Variants in SVIL observed in about 807,000 individuals in gnomAD.
The protein encoded by SVIL is archvillin.
In SVIL, 101 loss-of-function variants were observed where a neutral mutation model predicts 240.4. The ratio of observed to expected loss-of-function variants is 0.42; its 90% CI spans 0.36 to 0.50. SVIL has a LOEUF of 0.50. Ranked by LOEUF, SVIL falls within the 20% of genes least tolerant of loss-of-function variation. The pLI, the probability that SVIL is intolerant of heterozygous loss-of-function variation, is 0.01. For synonymous variants in SVIL, 999 were observed against 1,100.0 expected (o/e 0.91, Z 1.82); for missense variants, 2,512 against 2,818.7 (o/e 0.89, Z 2.46).
intron 36 of SVIL, 158 bp from the exon 37 acceptor site, chr10:29,458,747 A>T (rs1943865990): frequency 1.4e-6 from 1 of 705,700 alleles, no homozygotes; most frequent in Non-Finnish European, 2.2e-6. Context: ...AAGAAAAGGG[A>T]TCGCCCAAAG....
At chr10:29,527,133 A>C in intron 12 of SVIL, 77 bp from the exon 13 acceptor site, 2 of 1,306,616 alleles carry the variant, frequency 1.5e-6, no homozygotes, top group Non-Finnish European at 2.1e-6. Flanking sequence ...GCATAGTTTT[A>C]AATTCAGAAA....
chr10:29,718,423 A>G (rs1428642422), intron 1 of SVIL, among the ~76,000 whole-genome samples: 1 of 152,170 alleles, frequency 6.6e-6, no homozygotes, highest in Non-Finnish European at 1.5e-5. Flanking sequence ...ATATCTGTTG[A>G]ATATCTAGGG....
At chr10:29,488,564 G>C in intron 23 of SVIL, 37 bp downstream of exon 23, 1 of 1,520,990 alleles carries the variant, frequency 6.6e-7, no homozygotes, top group South Asian at 1.3e-5. Flanking sequence ...CAGAAACCAC[G>C]GGCCCTGAGT....
In SVIL at chr10:29,491,081, G is replaced by A. The variant is rs1343186124; in HGVS notation, c.4020-62C>T. On this transcript the variant is annotated intron_variant, in intron 21 of 37. Coordinates refer to ENST00000355867, the MANE Select transcript of SVIL (RefSeq NM_021738.3). ...ACACCACCACCCCTGGATGACCTGG[G>A]GGTCTTGGACTCCACAAAGTATTTC... is the stretch of plus-strand genomic sequence containing the variant. 4.6e-6 allele frequency: 7 copies of A among 1,536,274 alleles called. No individual in the cohort carries two copies. The East Asian group carries it at 1.6e-4, about 36-fold the overall frequency.
intron 3 of SVIL, among the ~76,000 whole-genome samples, chr10:29,640,146 C>T (rs1958437293): frequency 6.6e-6 from 1 of 152,260 alleles, no homozygotes; most frequent in South Asian, 2.1e-4. Flanking sequence ...ACTGTCTCCT[C>T]TCCCCCAGCC....
At position 29,513,366 on chromosome 10, in the gene SVIL, C is replaced by T. The variant is rs188215443; in HGVS notation, c.3390-505G>A. 3.5e-3 allele frequency among the ~76,000 whole-genome samples: 538 copies of T among 152,240 alleles called. 3 individuals carry two copies. Among genetic ancestry groups the T allele is most frequent in the African/African-American group, 0.012 (516 of 41,522 alleles). On this transcript the variant is annotated intron_variant, in intron 16 of 37. Coordinates refer to ENST00000355867, the MANE Select transcript of SVIL (RefSeq NM_021738.3). The stretch of plus-strand genomic sequence containing the variant: ...CAGGTGGATCACGAGGTCAGGAGTT[C>T]GAGACCAGCCTGGCCAATACGGTGA...
chr10:29,506,697 GC>G (rs1949335019), intron 17 of SVIL, among the ~76,000 whole-genome samples: 2 of 141,936 alleles, frequency 1.4e-5, no homozygotes, highest in African/African-American at 5.2e-5. Context: ...GGGGACAGAG[GC>G]CCTACGAGGG....
intron 1 of SVIL, among the ~76,000 whole-genome samples, chr10:29,728,003 T>C (rs552645366): frequency 1.3e-5 from 2 of 152,310 alleles, no homozygotes; most frequent in Admixed American, 1.3e-4. Flanking sequence ...CAAGTCAATC[T>C]GTCAAGGATT....
At chr10:29,458,718 G>T in intron 36 of SVIL, 129 bp from the exon 37 acceptor site, 1 of 969,334 alleles carries the variant, frequency 1.0e-6, no homozygotes, top group Non-Finnish European at 1.5e-6. Flanking sequence ...CCATATCACT[G>T]AGGAGGAAAT....
intron 5 of SVIL, among the ~76,000 whole-genome samples, chr10:29,553,379 G>A (rs1953565194): frequency 6.6e-6 from 1 of 152,082 alleles, no homozygotes; most frequent in Admixed American, 6.6e-5. Flanking sequence ...AGGAGTTCGA[G>A]ACCAGCCTCG....
At chr10:29,609,972 G>A (rs1361293972) in intron 1 of SVIL, among the ~76,000 whole-genome samples, 1 of 152,206 alleles carries the variant, frequency 6.6e-6, no homozygotes, top group Admixed American at 6.5e-5. Flanking sequence ...GAGGTTTCCA[G>A]CTGGTAAAGC....
At chr10:29,679,881 T>TA (rs552856511) in intron 2 of SVIL, among the ~76,000 whole-genome samples, 12,494 of 145,594 alleles carry the variant, frequency 0.086, 802 homozygotes, top group African/African-American at 0.17. Context: ...AATCTAAAAT[T>TA]AGAAAAAAAA....
intron 2 of SVIL, among the ~76,000 whole-genome samples, chr10:29,664,989 C>T (rs1007334305): frequency 3.3e-5 from 5 of 151,996 alleles, no homozygotes; most frequent in African/African-American, 1.2e-4. Context: ...CCTGTAATCC[C>T]AGCACTTTAG....
chr10:29,474,225 AGGGGCCCT>A (rs942259462), intron 29 of SVIL, among the ~76,000 whole-genome samples: 6 of 152,180 alleles, frequency 3.9e-5, no homozygotes, highest in Non-Finnish European at 5.9e-5. Flanking sequence ...AAGGGATCTG[AGGGGCCCT>A]CTTGGTGCCC....
At chr10:29,629,467 G>C (rs773367987) in intron 1 of SVIL, among the ~76,000 whole-genome samples, 7 of 152,156 alleles carry the variant, frequency 4.6e-5, no homozygotes, top group Non-Finnish European at 8.8e-5. Context: ...ATCAGACGCT[G>C]CAGTAACAAG....
intron 1 of SVIL, among the ~76,000 whole-genome samples, chr10:29,695,842 TCCCTCTCCCTCTCCCTCTC>T (rs1429686360): frequency 3.5e-5 from 1 of 28,220 alleles, no homozygotes; most frequent in Non-Finnish European, 6.4e-5. Context: ...CTCTCCCGTC[TCCCTCTCCCTCTCCCTCTC>T]CCGTCTCCCT....
chr10:29,536,080 C>G lies in SVIL; in HGVS notation c.828-11G>C. On this transcript the variant is annotated splice_polypyrimidine_tract_variant and intron_variant, in intron 6 of 37. Coordinates refer to ENST00000355867, the MANE Select transcript of SVIL (RefSeq NM_021738.3). ...TTGGGTTTCCCTGTACTATTGTGTA[C>G]AAAAAACAAAACCAGATAATCTCTA... 1 of 1,613,478 alleles carries G rather than the reference C, an allele frequency of 6.2e-7. No homozygotes were observed. The highest frequency in any genetic ancestry group is 8.5e-7 in the Non-Finnish European group (1 of 1,179,524).
chr10:29,715,720 T>C (rs1345641321), intron 1 of SVIL, among the ~76,000 whole-genome samples: 3 of 152,218 alleles, frequency 2.0e-5, no homozygotes, highest in African/African-American at 7.2e-5. Context: ...TACAAGACTT[T>C]ATTTGCCAAA....
At chr10:29,684,730 G>A (rs1960929665) in intron 2 of SVIL, among the ~76,000 whole-genome samples, 2 of 152,136 alleles carry the variant, frequency 1.3e-5, no homozygotes, top group South Asian at 2.1e-4. Flanking sequence ...CCTGGAAAGG[G>A]AAAGGATTCT....
Sources: allele counts gnomAD v4.1 joint callset (sites outside exome capture counted in the v4.1 genomes callset), GRCh38; gene constraint gnomAD v4.1.1; transcripts MANE v1.5; gene names NCBI Gene and HGNC (gene_info 2026-07-23, HGNC 2026-07-21).